Variants in ASCC1 observed in about 807,000 individuals in gnomAD.
ASCC1 encodes activating signal cointegrator 1 complex subunit 1.
A neutral mutation model predicts 46.6 loss-of-function variants in ASCC1; 35 were observed. The observed-to-expected ratio is 0.75, with a 90% CI of 0.57 to 0.99. ASCC1 has a LOEUF of 0.99. Among genes scored for constraint, ASCC1 ranks in the 50% least tolerant of loss-of-function variants. The probability of loss-of-function intolerance (pLI) is 0.00; values close to 1 mark genes in which losing one functional copy is unlikely to be tolerated. For synonymous variants in ASCC1, 143 were observed against 146.6 expected, an observed-to-expected ratio of 0.98 and a Z score of 0.18; for missense variants, 376 against 428.7, an observed-to-expected ratio of 0.88 and a Z score of 1.09.
chr10:72,122,854 T>C (rs1436758610), intron 9 of ASCC1, among the ~76,000 whole-genome samples: 1 of 151,936 alleles, frequency 6.6e-6, no homozygotes, highest in African/African-American at 2.4e-5. Flanking sequence ...TAAATGAAAA[T>C]GAAGATACAA....
intron 9 of ASCC1, among the ~76,000 whole-genome samples, chr10:72,117,733 G>C (rs1466648373): frequency 6.6e-6 from 1 of 152,114 alleles, no homozygotes. Flanking sequence ...TAATGTCATT[G>C]CTTTCAATGC....
intron 3 of ASCC1, among the ~76,000 whole-genome samples, chr10:72,210,459 C>T (rs993635599): frequency 1.3e-5 from 2 of 152,110 alleles, no homozygotes; most frequent in Non-Finnish European, 2.9e-5. Context: ...CGCACCTGGC[C>T]GAAACCTCTT....
intron 5 of ASCC1, among the ~76,000 whole-genome samples, chr10:72,179,196 A>C (rs765322358): frequency 2.6e-5 from 4 of 152,112 alleles, no homozygotes; most frequent in African/African-American, 9.7e-5. Context: ...TGTAGACACA[A>C]GTTTTGGTTG....
intron 7 of ASCC1, among the ~76,000 whole-genome samples, chr10:72,135,189 A>G (rs1437234160): frequency 6.6e-6 from 1 of 152,242 alleles, no homozygotes; most frequent in Admixed American, 6.5e-5. Context: ...ACCTCAAAGG[A>G]TGGTGTGTTC....
At chr10:72,181,924 G>A (rs1343020549) in intron 5 of ASCC1, among the ~76,000 whole-genome samples, 1 of 152,056 alleles carries the variant, frequency 6.6e-6, no homozygotes, top group African/African-American at 2.4e-5. Context: ...GACCTCAAGC[G>A]ATCCACTCAC....
chr10:72,195,148 T>G (rs572693623), intron 5 of ASCC1, among the ~76,000 whole-genome samples: 1 of 134,896 alleles, frequency 7.4e-6, no homozygotes, highest in South Asian at 2.5e-4. Flanking sequence ...TGTTTTTTTT[T>G]TTTTTTTTTT....
intron 9 of ASCC1, among the ~76,000 whole-genome samples, chr10:72,122,850 A>T (rs1343452453): frequency 6.6e-6 from 1 of 152,210 alleles, no homozygotes; most frequent in Non-Finnish European, 1.5e-5. Context: ...AAGGTAAATG[A>T]AAATGAAGAT....
intron 8 of ASCC1, among the ~76,000 whole-genome samples, chr10:72,130,923 A>G (rs750486221): frequency 6.6e-6 from 1 of 152,196 alleles, no homozygotes; most frequent in African/African-American, 2.4e-5. Flanking sequence ...CAGAGTTCTG[A>G]AACTCTGCCT....
intron 7 of ASCC1, among the ~76,000 whole-genome samples, chr10:72,147,672 A>G (rs1337058988): frequency 6.6e-6 from 1 of 152,188 alleles, no homozygotes; most frequent in East Asian, 1.9e-4. Context: ...TTTGCTATCT[A>G]TATGTTCCTT....
At chr10:72,120,592 C>CA (rs756385458) in intron 9 of ASCC1, among the ~76,000 whole-genome samples, 3,048 of 92,066 alleles carry the variant, frequency 0.033, 39 homozygotes, top group Non-Finnish European at 0.041. Flanking sequence ...GAATAAAGAC[C>CA]AAAAAAAAAA....
chr10:72,143,858 A>G (rs1847317134), intron 7 of ASCC1, among the ~76,000 whole-genome samples: 1 of 151,878 alleles, frequency 6.6e-6, no homozygotes, highest in African/African-American at 2.4e-5. Flanking sequence ...AATTAACTAT[A>G]CAAATTTCAC....
chr10:72,103,646 G>A (rs549062031), intron 9 of ASCC1, among the ~76,000 whole-genome samples: 1 of 152,128 alleles, frequency 6.6e-6, no homozygotes, highest in African/African-American at 2.4e-5. Flanking sequence ...GAAGACCTAT[G>A]AAGGCCGTCC....
At position 72,133,177 on chromosome 10, in the gene ASCC1, G is replaced by C; in HGVS notation, c.751C>G (p.Gln251Glu). The change falls in exon 8 of 10, where the codon CAA (glutamine) becomes GAA (glutamate). Residue 251 changes from glutamine to glutamate, a missense_variant. By Grantham distance (29) the Gln-to-Glu change is conservative (BLOSUM62 2). Transcript: ENST00000672957. Reference protein sequence around the residue: ...VHMKDGSNRLQELVDRVLERF... With the variant: ...VHMKDGSNRLEELVDRVLERF... Reference sequence around the variant, plus strand: ...TCCAGCACTCGATCAACTAATTCTTGTAGCCTGGAGAAATTGGAGAAAAGT... The same window carrying C: ...TCCAGCACTCGATCAACTAATTCTTCTAGCCTGGAGAAATTGGAGAAAAGT... 1.2e-6 allele frequency: 2 copies of C among 1,614,022 alleles called. No homozygotes were observed. The highest frequency in any genetic ancestry group is 1.7e-6 in the Non-Finnish European group (2 of 1,179,942).
At chr10:72,183,331 C>G (rs1447990590) in intron 5 of ASCC1, among the ~76,000 whole-genome samples, 3 of 152,194 alleles carry the variant, frequency 2.0e-5, no homozygotes, top group Non-Finnish European at 4.4e-5. Flanking sequence ...GTGTGAGCCA[C>G]TGAGCCCAGG....
intron 7 of ASCC1, among the ~76,000 whole-genome samples, chr10:72,152,652 A>AC (rs536593722): frequency 9.2e-5 from 14 of 152,128 alleles, no homozygotes; most frequent in African/African-American, 3.1e-4. Flanking sequence ...GCATAGTAAG[A>AC]CCCCCATCCT....
At chr10:72,157,172 C>T (rs946173660) in intron 6 of ASCC1, among the ~76,000 whole-genome samples, 2 of 152,128 alleles carry the variant, frequency 1.3e-5, no homozygotes, top group African/African-American at 4.8e-5. Flanking sequence ...ATAGCCACCT[C>T]TAATAAGAAG....
rs75258385 is a variant in ASCC1 at position 72,106,058 on chromosome 10, C to T, written c.958-8608G>A. ...TCACTTGGCTTTCCCAAATGAGGCT[C>T]GCTCTTTTCTTCAATCTTAGACAAA... On this transcript the variant is annotated intron_variant, in intron 9 of 9. Transcript: ENST00000672957. Among the ~76,000 whole-genome samples the T allele has an allele frequency of 3.4e-3, 520 of 152,134 alleles. 7 individuals are homozygous for T. The highest frequency in any genetic ancestry group is 0.012 in the African/African-American group (502 of 41,444).
At chr10:72,156,918 A>C (rs1388692741) in intron 6 of ASCC1, among the ~76,000 whole-genome samples, 1 of 152,158 alleles carries the variant, frequency 6.6e-6, no homozygotes, top group Non-Finnish European at 1.5e-5. Context: ...TTCCCTTAAC[A>C]CTTCAAGGCC....
rs1290930612 is a variant in ASCC1 at position 72,204,281 on chromosome 10, A to G, written c.213-757T>C. ...TAAATTTTTTTTTCAATTTTTTTCA[A>G]TAGAAAAATTAGAATATCTGAGGAC... On this transcript the variant is annotated intron_variant, in intron 3 of 9. Transcript: ENST00000672957. The G allele has an allele frequency of 6.2e-6, 6 of 968,394 alleles. No homozygotes were observed. The African/African-American group carries it at 8.3e-5, about 13-fold the overall frequency. 60.0% of individuals were successfully genotyped at this position (968,394 alleles called of 1,614,324 possible).
Sources: gnomAD v4.1 joint callset for allele counts (sites outside exome capture counted in the v4.1 genomes callset) on GRCh38, gnomAD v4.1.1 for gene constraint, MANE v1.5 for transcripts, NCBI Gene and HGNC (gene_info 2026-07-23, HGNC 2026-07-21) for gene names.